ALCAM: variants seen among roughly 807,000 people sequenced by gnomAD.
ALCAM encodes the protein activated leukocyte cell adhesion molecule, also known as CD166 antigen.
A neutral mutation model predicts 70.9 loss-of-function variants in ALCAM; 30 were observed. The observed-to-expected ratio is 0.42, with a 90% confidence interval of 0.32 to 0.57. The LOEUF (loss-of-function observed/expected upper bound fraction) is 0.57. ALCAM is among the 20% of genes least tolerant of loss of function. The pLI, the probability that ALCAM is intolerant of heterozygous loss-of-function variation, is 0.11. For missense variants in ALCAM, 591 were observed against 695.1 expected (o/e 0.85, Z 1.68); for synonymous variants, 249 against 242.5 (o/e 1.03, Z -0.25).
At chr3:105,551,639 T>C (rs1348868372) in intron 12 of ALCAM, among the ~76,000 whole-genome samples, 3 of 151,636 alleles carry the variant, frequency 2.0e-5, no homozygotes, top group African/African-American at 4.8e-5. Flanking sequence ...ACATCATGTA[T>C]GTTGCTTCTT....
chr3:105,483,143 G>C (rs924063630), intron 1 of ALCAM, among the ~76,000 whole-genome samples: 7 of 152,194 alleles, frequency 4.6e-5, no homozygotes, highest in African/African-American at 1.7e-4. Flanking sequence ...TATGCCTACT[G>C]CTGGAAGATA....
In ALCAM at chr3:105,524,361, G is replaced by A. The variant is rs1336893452; in HGVS notation, c.247G>A (p.Val83Ile). The change falls in exon 3 of 16, where the codon GTA becomes ATA. Residue 83 changes from valine to isoleucine, a missense_variant. By Grantham distance (29) the Val-to-Ile change is conservative. Coordinates refer to ENST00000306107, the MANE Select transcript of ALCAM (RefSeq NM_001627.4). ...AAAGAAAAGTGTGCAGTACGACGAT[G>A]TACCAGAATACAAAGACAGATTGAA... ...STKKSVQYDD[V>I]PEYKDRLNLS... The A allele has an allele frequency of 2.5e-6, 4 of 1,614,034 alleles. No individual in the cohort carries two copies. The East Asian group carries it at 8.9e-5, about 36-fold the overall frequency.
chr3:105,565,561 A>G (rs1940725502), intron 14 of ALCAM, among the ~76,000 whole-genome samples: 1 of 152,154 alleles, frequency 6.6e-6, no homozygotes, highest in Non-Finnish European at 1.5e-5. Flanking sequence ...CCTATTTTAC[A>G]ATCCTTGCCT....
At chr3:105,472,371 T>C (rs902716939) in intron 1 of ALCAM, among the ~76,000 whole-genome samples, 19 of 151,638 alleles carry the variant, frequency 1.3e-4, no homozygotes, top group Non-Finnish European at 2.7e-4. Flanking sequence ...AAGCTTTAAA[T>C]TCTAAAGTTT....
chr3:105,537,577 C>T (rs1054194285), intron 6 of ALCAM, among the ~76,000 whole-genome samples: 2 of 152,104 alleles, frequency 1.3e-5, no homozygotes, highest in African/African-American at 4.8e-5. Flanking sequence ...CAGATTCCTT[C>T]TGTAGAGTAA....
At chr3:105,379,656 A>T (rs1421515065) in intron 1 of ALCAM, among the ~76,000 whole-genome samples, 1 of 151,864 alleles carries the variant, frequency 6.6e-6, no homozygotes, top group Non-Finnish European at 1.5e-5. Flanking sequence ...GATTTTAAAT[A>T]CATTATTTCT....
At chr3:105,391,662 T>C (rs1433991740) in intron 1 of ALCAM, among the ~76,000 whole-genome samples, 5 of 152,068 alleles carry the variant, frequency 3.3e-5, no homozygotes, top group South Asian at 2.1e-4. Context: ...CCTTATATTG[T>C]GTCGGTTTTC....
intron 1 of ALCAM, among the ~76,000 whole-genome samples, chr3:105,409,810 G>T (rs1391966556): frequency 6.6e-6 from 1 of 152,020 alleles, no homozygotes; most frequent in Non-Finnish European, 1.5e-5. Flanking sequence ...GGGCCAGATT[G>T]ATCTGTATTT....
chr3:105,527,814 T>A (rs1435537005), intron 3 of ALCAM, among the ~76,000 whole-genome samples: 1 of 152,028 alleles, frequency 6.6e-6, no homozygotes, highest in African/African-American at 2.4e-5. Context: ...TTTGGATTCC[T>A]CCCACTTGGA....
chr3:105,486,390 C>T (rs76329064), intron 1 of ALCAM, among the ~76,000 whole-genome samples: 1 of 152,224 alleles, frequency 6.6e-6, no homozygotes, highest in South Asian at 2.1e-4. Context: ...CTGAATAAGA[C>T]TATTGTACCA....
intron 1 of ALCAM, among the ~76,000 whole-genome samples, chr3:105,501,179 T>C (rs1559813031): frequency 6.6e-6 from 1 of 152,152 alleles, no homozygotes; most frequent in African/African-American, 2.4e-5. Flanking sequence ...CTGTTATCAT[T>C]AGCGAGAGTG....
At chr3:105,380,580 G>A (rs1935493146) in intron 1 of ALCAM, among the ~76,000 whole-genome samples, 1 of 151,666 alleles carries the variant, frequency 6.6e-6, no homozygotes. Context: ...AGTCAGTGTT[G>A]AGCAATAATT....
chr3:105,534,391 C>G (rs1939917889), intron 5 of ALCAM, among the ~76,000 whole-genome samples: 1 of 152,082 alleles, frequency 6.6e-6, no homozygotes, highest in East Asian at 1.9e-4. Flanking sequence ...AGCCCTTGTA[C>G]AGAAGAATCA....
intron 1 of ALCAM, among the ~76,000 whole-genome samples, chr3:105,470,676 G>A (rs1937902826): frequency 1.3e-5 from 2 of 151,116 alleles, no homozygotes; most frequent in African/African-American, 4.8e-5. Flanking sequence ...GGCATTTTCT[G>A]AAGATTAGAA....
chr3:105,413,269 G>T (rs1029262406), intron 1 of ALCAM, among the ~76,000 whole-genome samples: 1 of 152,030 alleles, frequency 6.6e-6, no homozygotes, highest in Non-Finnish European at 1.5e-5. Flanking sequence ...AGGTGTCAGT[G>T]GAGATAACAT....
chr3:105,395,137 G>A (rs570417417), intron 1 of ALCAM, among the ~76,000 whole-genome samples: 28 of 151,762 alleles, frequency 1.8e-4, no homozygotes, highest in East Asian at 3.9e-4. Context: ...TCAAATGACC[G>A]CCCTGCCAAC....
At chr3:105,416,276 T>C (rs1349703734) in intron 1 of ALCAM, among the ~76,000 whole-genome samples, 1 of 152,060 alleles carries the variant, frequency 6.6e-6, no homozygotes, top group African/African-American at 2.4e-5. Context: ...CCTGAAGCTG[T>C]GTTTTTCCAA....
At chr3:105,496,733 A>AT (rs1426433833) in intron 1 of ALCAM, among the ~76,000 whole-genome samples, 1 of 151,774 alleles carries the variant, frequency 6.6e-6, no homozygotes, top group African/African-American at 2.4e-5. Context: ...TTGTGAGGTG[A>AT]TTTTTTATTA....
intron 2 of ALCAM, 68 bp from the exon 3 acceptor site, chr3:105,524,221 A>C: frequency 7.6e-7 from 1 of 1,320,002 alleles, no homozygotes; most frequent in East Asian, 2.5e-5. Context: ...AGGAAATGTT[A>C]TTTTGAATGT....
Sources: gnomAD v4.1 joint callset for allele counts (sites outside exome capture counted in the v4.1 genomes callset) on GRCh38, gnomAD v4.1.1 for gene constraint, MANE v1.5 for transcripts, NCBI Gene and HGNC (gene_info 2026-07-23, HGNC 2026-07-21) for gene names.